Variants in TTN observed in about 807,000 individuals in gnomAD.
TTN encodes connectin.
Under a neutral mutation model 3,223.0 loss-of-function variants are expected in TTN, and 1,525 were observed. The observed-to-expected ratio is 0.47, with a 90% CI of 0.45 to 0.49. The LOEUF is 0.49. Among genes scored for constraint, TTN ranks in the 20% least tolerant of loss-of-function variants. The probability of loss-of-function intolerance (pLI) is 0.00; values close to 1 mark genes in which losing one functional copy is unlikely to be tolerated. For missense variants in TTN, 40,786 were observed against 43,424.0 expected, an observed-to-expected ratio of 0.94 and a Z score of 5.40; for synonymous variants, 14,094 against 15,161.0, an observed-to-expected ratio of 0.93 and a Z score of 5.17.
At chr2:178,705,050 G>T in intron 103 of TTN, 84 bp from the exon 104 acceptor site, 1 of 1,578,464 alleles carries the variant, frequency 6.3e-7, no homozygotes. Flanking sequence ...CTTCCATTCT[G>T]GATGCTGGTT....
At chr2:178,627,938 A>G (rs1451251847) in intron 240 of TTN, among the ~76,000 whole-genome samples, 1 of 152,058 alleles carries the variant, frequency 6.6e-6, no homozygotes, top group African/African-American at 2.4e-5. Flanking sequence ...TGATAGGCAA[A>G]ATATATTTTT....
At chr2:178,721,708 G>A in intron 78 of TTN, 139 bp downstream of exon 78, 1 of 837,380 alleles carries the variant, frequency 1.2e-6, no homozygotes, top group Non-Finnish European at 1.7e-6. Flanking sequence ...TTTGATTAAT[G>A]TTGCCTCCAA....
Position 178,613,045 on chromosome 2 carries a change from G to A in TTN, c.49676C>T (p.Thr16559Ile). 6.2e-7 allele frequency: 1 copy of A among 1,612,652 alleles called. No individual in the cohort carries two copies. The highest frequency in any genetic ancestry group is 8.5e-7 in the Non-Finnish European group (1 of 1,179,202). Residue 16559 changes from threonine (T) to isoleucine (I), a missense_variant, in exon 265 of 363, where the codon ACT becomes ATT. By Grantham distance (89) the Thr-to-Ile change is moderately conservative (BLOSUM62 -1). Transcript: ENST00000589042. ...TGATGTTTTGCCTACATCTTTTACAGTTGGTTTTCCAGGGGGCCATGGAGG... is the reference window on the plus strand; with the variant it reads ...TGATGTTTTGCCTACATCTTTTACAATTGGTTTTCCAGGGGGCCATGGAGG... Reference protein sequence around the residue: ...IDPPWPPGKPTVKDVGKTSVR... With the variant: ...IDPPWPPGKPIVKDVGKTSVR...
chr2:178,680,122 A>G lies in TTN; in HGVS notation c.33419-67T>C, dbSNP rs569759657. Reference sequence around the variant, plus strand: ...TCAACAAAATTAAGACACCTTAGAAACACAGGCCCATTTATAACAGAAGAA... The same window carrying G: ...TCAACAAAATTAAGACACCTTAGAAGCACAGGCCCATTTATAACAGAAGAA... On this transcript the variant is annotated intron_variant, in intron 139 of 362. Transcript: ENST00000589042. 25 of 1,590,936 alleles carry G rather than the reference A, an allele frequency of 1.6e-5. No individual in the cohort carries two copies. In the African/African-American group the frequency reaches 3.3e-4, roughly 21 times the overall value.
rs746055019 is a variant in TTN at position 178,574,101 on chromosome 2, G to A, written c.72031C>T (p.Pro24011Ser). ...AKNAAGAISPPSEPSDAITCR... is the reference protein window; with the variant it reads ...AKNAAGAISPSSEPSDAITCR... ...GTGATAGCATCAGATGGCTCAGATGGTGGACTGATGGCACCTGCAGCATTT... is the reference window on the plus strand; with the variant it reads ...GTGATAGCATCAGATGGCTCAGATGATGGACTGATGGCACCTGCAGCATTT... The change falls in exon 326 of 363, where the codon CCA (proline) becomes TCA (serine). Residue 24011 changes from proline to serine, a missense_variant. By Grantham distance (74) the Pro-to-Ser change is moderately conservative. Transcript: ENST00000589042. The A allele has an allele frequency of 7.4e-6, 12 of 1,613,424 alleles. No homozygotes were observed. The highest frequency in any genetic ancestry group is 4.5e-5 in the East Asian group (2 of 44,816).
At chr2:178,773,402 T>A (rs1169233501) in intron 32 of TTN, 33 bp from the exon 33 acceptor site, 5 of 1,613,976 alleles carry the variant, frequency 3.1e-6, no homozygotes, top group Non-Finnish European at 4.2e-6. Flanking sequence ...TCTTGGTTAT[T>A]GTTACACTGG....
chr2:178,548,458 T>G lies in TTN; in HGVS notation c.93168A>C (p.Arg31056=). 1 of 1,613,892 alleles carries G rather than the reference T, an allele frequency of 6.2e-7. No individual in the cohort carries two copies. Among genetic ancestry groups the G allele is most frequent in the East Asian group, 2.2e-5 (1 of 44,870 alleles). The change falls in exon 339 of 363, where the codon CGA becomes CGC. Residue 31056 remains arginine, a synonymous_variant. Transcript: ENST00000589042. This position sits in a 1 kb window ranked among gnomAD's most constrained non-coding sequence, Gnocchi z 4.3. ...ARIHHYVVEK[R]EASRRSWQVI... is the part of the protein sequence containing the mutation. Reference sequence around the variant, plus strand: ...CCTGCCAACTACGGCGACTTGCCTCTCGTTTCTCTACCACATAATGATGGA... The same window carrying G: ...CCTGCCAACTACGGCGACTTGCCTCGCGTTTCTCTACCACATAATGATGGA...
At chr2:178,712,269 G>A (rs371559135) in intron 95 of TTN, 46 bp downstream of exon 95, 8 of 1,608,470 alleles carry the variant, frequency 5.0e-6, no homozygotes, top group Non-Finnish European at 6.8e-6. Flanking sequence ...AGACATGCCA[G>A]ATCATCGATT....
chr2:178,582,849 T>C, intron 313 of TTN, 91 bp downstream of exon 313: 2 of 1,135,944 alleles, frequency 1.8e-6, no homozygotes, highest in Admixed American at 3.2e-5. Flanking sequence ...CATTAGAATA[T>C]GAATGTCTTC....
rs1368840872 is a variant in TTN, at chr2:178,696,200, T to C, written c.30872A>G (p.Glu10291Gly). The part of the protein sequence containing the change: ...VKIMTITRKK[E>G]VQKEKEAVYE... ...CACAGCTTCTTTTTCTTTCTGAACC[T>C]CTTTCTTTCTGGTTATAGTCATTAT... The change falls in exon 114 of 363, where the codon GAG (glutamate) becomes GGG (glycine). Residue 10291 changes from glutamate (E) to glycine (G), a missense_variant. Glu to Gly is a moderately conservative substitution (Grantham distance 98, BLOSUM62 -2). Transcript: ENST00000589042. 2 of 1,563,628 alleles carry C rather than the reference T, an allele frequency of 1.3e-6. No homozygotes were observed. Among genetic ancestry groups the C allele is most frequent in the African/African-American group, 1.4e-5 (1 of 73,794 alleles).
chr2:178,558,549 G>A lies in TTN; in HGVS notation c.86910C>T (p.Gly28970=), dbSNP rs397517736. 1.1e-5 allele frequency: 17 copies of A among 1,613,496 alleles called. No individual in the cohort carries two copies. Among genetic ancestry groups the A allele is most frequent in the Admixed American group, 5.0e-5 (3 of 59,958 alleles). Reference sequence around the variant, plus strand: ...CGACATAGTGTACAATTCTGCTTCCGCCATCATGTTCAGGCTTCAGCCAGG... The same window carrying A: ...CGACATAGTGTACAATTCTGCTTCCACCATCATGTTCAGGCTTCAGCCAGG... ...SLTWLKPEHD[G]GSRIVHYVVE... Residue 28970 remains glycine (G), a synonymous_variant, in exon 327 of 363, where the codon GGC becomes GGT. Transcript: ENST00000589042.
Position 178,707,669 on chromosome 2 carries a change from G to T in TTN, c.28898C>A (p.Ser9633Ter). 6.2e-7 allele frequency: 1 copy of T among 1,613,926 alleles called. No individual in the cohort carries two copies. The highest frequency in any genetic ancestry group is 8.5e-7 in the Non-Finnish European group (1 of 1,179,858). ...AGCAAAGCTGAAGCTGCATCTGTCT[G>T]AAGGCTTTATTTCCCTGCCAGCCTT... ...WLKAGREIKPSDRCSFSFASG... is the reference protein window; with the variant it reads ...WLKAGREIKP Residue 9633 changes from serine to a stop codon, truncating the protein, a stop_gained, in exon 100 of 363, where the codon TCA (serine) becomes TAA (stop). Transcript: ENST00000589042. LOFTEE classifies it high-confidence loss of function.
At chr2:178,770,756 A>G (rs376976266) in intron 34 of TTN, 81 bp from the exon 35 acceptor site, 246 of 1,519,250 alleles carry the variant, frequency 1.6e-4, no homozygotes, top group Admixed American at 9.0e-4. Flanking sequence ...ATCATTGCTT[A>G]CTCACCCTGC....
At position 178,568,840 on chromosome 2, in the gene TTN, C is replaced by T. The variant is rs1156367964; in HGVS notation, c.77292G>A (p.Gly25764=). The stretch of plus-strand genomic sequence containing the variant: ...CAACAACTCTAAAAAGATATTCTTC[C>T]CCTTGAGTTAGGTTGGTAATTACTG... ...LQAVITNLTQ[G]EEYLFRVVAV... is the part of the protein sequence containing the mutation. Residue 25764 remains glycine, a synonymous_variant, in exon 326 of 363, where the codon GGG becomes GGA. Transcript: ENST00000589042. The T allele has an allele frequency of 6.2e-7, 1 of 1,613,120 alleles. No homozygotes were observed. The highest frequency in any genetic ancestry group is 8.5e-7 in the Non-Finnish European group (1 of 1,179,552).
chr2:178,800,808 T>C, intron 3 of TTN, 126 bp from the exon 4 acceptor site: 1 of 1,092,640 alleles, frequency 9.2e-7, no homozygotes, highest in Admixed American at 2.9e-5. Context: ...TCCTTGAATG[T>C]CCTTGAACCC....
chr2:178,756,767 T>G lies in TTN; in HGVS notation c.10709A>C (p.Lys3570Thr). 1.2e-6 allele frequency: 2 copies of G among 1,613,810 alleles called. No homozygotes were observed. The highest frequency in any genetic ancestry group is 1.7e-6 in the Non-Finnish European group (2 of 1,179,782). ...VQALDRQSSGKDVRESTKSQA... is the reference protein window; with the variant it reads ...VQALDRQSSGTDVRESTKSQA... ...GGACTTGGTGGACTCTCTTACATCT[T>G]TCCCAGAACTTTGCCTATCTAGGGC... The change falls in exon 46 of 363, where the codon AAA becomes ACA. Residue 3570 changes from lysine (K) to threonine (T), a missense_variant. By Grantham distance (78) the Lys-to-Thr change is moderately conservative (BLOSUM62 -1). Transcript: ENST00000589042.
intron 46 of TTN, 37 bp from the exon 47 acceptor site, chr2:178,753,217 T>A (rs1355281169): frequency 3.4e-6 from 5 of 1,479,408 alleles, no homozygotes; most frequent in South Asian, 1.2e-5. Flanking sequence ...TTTTAGTGAT[T>A]AATTGCATAT....
At chr2:178,603,180 G>T (rs1351592036) in intron 282 of TTN, among the ~76,000 whole-genome samples, 1 of 151,942 alleles carries the variant, frequency 6.6e-6, no homozygotes, top group Non-Finnish European at 1.5e-5. Flanking sequence ...CAAAGCACAT[G>T]TTCAATACTA....
intron 266 of TTN, 51 bp from the exon 267 acceptor site, chr2:178,612,213 C>T: frequency 6.2e-7 from 1 of 1,604,552 alleles, no homozygotes. Context: ...AGGTGATAAT[C>T]TCCTGTCACA....
Sources: gnomAD v4.1 joint callset for allele counts (sites outside exome capture counted in the v4.1 genomes callset) on GRCh38, gnomAD v4.1.1 for gene constraint, Gnocchi (gnomAD v3.1) non-coding constraint, MANE v1.5 for transcripts, NCBI Gene and HGNC (gene_info 2026-07-23, HGNC 2026-07-21) for gene names.